TBC1D16: variants seen among roughly 807,000 people sequenced by gnomAD.
TBC1D16 encodes CTD-2529O21.1.
A neutral mutation model predicts 74.7 loss-of-function variants in TBC1D16; 58 were observed. That is an observed-to-expected ratio of 0.78 (90% CI 0.63 to 0.97). The LOEUF (loss-of-function observed/expected upper bound fraction) is 0.97. Among genes scored for constraint, TBC1D16 ranks in the 50% least tolerant of loss-of-function variants. The pLI is 0.00. For missense variants in TBC1D16, 1,014 were observed against 1,079.5 expected, an observed-to-expected ratio of 0.94 and a Z score of 0.85; for synonymous variants, 493 against 474.7, an observed-to-expected ratio of 1.04 and a Z score of -0.50.
chr17:80,025,003 C>T (rs2036502618), intron 1 of TBC1D16, among the ~76,000 whole-genome samples: 1 of 36,376 alleles, frequency 2.7e-5, no homozygotes. Context: ...ACACACACAC[C>T]ATAGACACAC....
intron 10 of TBC1D16, 61 bp from the exon 11 acceptor site, chr17:79,942,267 G>T (rs1379604967): frequency 6.6e-7 from 1 of 1,507,988 alleles, no homozygotes; most frequent in East Asian, 2.5e-5. Context: ...CTGCACTCAG[G>T]GGGAAACTGA....
At chr17:79,969,325 G>A (rs1447092181) in intron 3 of TBC1D16, among the ~76,000 whole-genome samples, 2 of 152,160 alleles carry the variant, frequency 1.3e-5, no homozygotes, top group Non-Finnish European at 2.9e-5. Flanking sequence ...AGTGGAGGTT[G>A]CAGTGAGCCA....
rs2035719638 is a variant in TBC1D16, at chr17:80,007,457, CAG to C, written c.779+2701_779+2702del. On this transcript the variant is annotated intron_variant, in intron 3 of 11. Transcript: ENST00000310924. The surrounding 1 kb of genome is among the most constrained non-coding windows in gnomAD (Gnocchi z 4.5). ...CTCAGGATGATGCCAGGACTGGAAA[CAG>C]ATCTGTCGGACCCCAAAATTTACTC... is the stretch of plus-strand genomic sequence containing the variant. Among the ~76,000 whole-genome samples the C allele has an allele frequency of 6.6e-6, 1 of 152,198 alleles. No homozygotes were observed. The highest frequency in any genetic ancestry group is 2.4e-5 in the African/African-American group (1 of 41,458).
At chr17:80,025,524 G>A (rs1313805970) in intron 1 of TBC1D16, among the ~76,000 whole-genome samples, 2 of 149,472 alleles carry the variant, frequency 1.3e-5, no homozygotes, top group Non-Finnish European at 2.9e-5. Flanking sequence ...GAGAGCCCTG[G>A]AGAGTTTTGC....
Position 79,937,038 on chromosome 17 carries a change from C to T in TBC1D16, c.*3821G>A. On this transcript the variant is annotated 3_prime_UTR_variant, in exon 12 of 12. Coordinates refer to ENST00000310924, the MANE Select transcript of TBC1D16 (RefSeq NM_019020.4). The stretch of plus-strand genomic sequence containing the variant: ...AGGGAGGTGCTTCCTTCCCTCTGCC[C>T]AGCGAGCAAAGGGTGGAGCCTTGGC... 6.6e-6 allele frequency: 1 copy of T among 152,054 alleles called. No individual in the cohort carries two copies. Among genetic ancestry groups the T allele is most frequent in the Non-Finnish European group, 1.5e-5 (1 of 67,972 alleles). The allele number at this position is 152,054 out of a possible 1,614,324, so 9.4% of individuals were successfully genotyped here.
chr17:79,947,811 G>C lies in TBC1D16; in HGVS notation c.1562C>G (p.Ala521Gly). 6.2e-7 allele frequency: 1 copy of C among 1,613,498 alleles called. No individual in the cohort carries two copies. Among genetic ancestry groups the C allele is most frequent in the East Asian group, 2.2e-5 (1 of 44,886 alleles). The change falls in exon 9 of 12, where the codon GCC (alanine) becomes GGC (glycine). Residue 521 changes from alanine to glycine, a missense_variant. Coordinates refer to ENST00000310924, the MANE Select transcript of TBC1D16 (RefSeq NM_019020.4). ...ESMRRILLNY[A>G]VYNPAVGYSQ... ...ATAGCCGACGGCAGGGTTGTACACG[G>C]CGTAGTTCAGCAGGATCCTCCTGGG...
chr17:79,950,896 G>T lies in TBC1D16; in HGVS notation c.1090-318C>A. 1 of 1,457,648 alleles carries T rather than the reference G, an allele frequency of 6.9e-7. No individual in the cohort carries two copies. Among genetic ancestry groups the T allele is most frequent in the Non-Finnish European group, 9.2e-7 (1 of 1,092,850 alleles). 90.3% of individuals were successfully genotyped at this position (1,457,648 alleles called of 1,614,324 possible). ...TAACTTCCCTCTGCCGGGAGGGCCT[G>T]CAATGAATTACATGTGATTGGCCAC... On this transcript the variant is annotated intron_variant, in intron 5 of 11. Transcript: ENST00000310924. This position sits in a 1 kb window ranked among gnomAD's most constrained non-coding sequence, Gnocchi z 4.6.
At chr17:80,024,624 TAAGCACACACACC>T (rs2036473468) in intron 1 of TBC1D16, among the ~76,000 whole-genome samples, 4 of 123,606 alleles carry the variant, frequency 3.2e-5, no homozygotes, top group South Asian at 2.7e-4. Context: ...CCACACACCA[TAAGCACACACACC>T]ACACACACCA....
intron 3 of TBC1D16, among the ~76,000 whole-genome samples, chr17:79,984,383 T>G (rs1301231103): frequency 6.6e-6 from 1 of 151,984 alleles, no homozygotes; most frequent in East Asian, 1.9e-4. Context: ...GTAAAATAAC[T>G]TAGGCATCGG....
chr17:79,960,779 C>CAAAAA lies in TBC1D16; in HGVS notation c.780-7966_780-7962dup, dbSNP rs746450905. Among the ~76,000 whole-genome samples the CAAAAA allele has an allele frequency of 2.2e-3, 75 of 33,944 alleles. 19 individuals are homozygous for CAAAAA. The highest frequency in any genetic ancestry group is 3.2e-3 in the East Asian group (3 of 930). The allele number at this position is 33,944 out of a possible 152,430, so 22.3% of individuals were successfully genotyped here. ...CAAAAAAACCCAAAAAACAAAAACC[C>CAAAAA]AAAAAAAAAAAAAAAAAAAAAAAAA... is the stretch of plus-strand genomic sequence containing the variant. On this transcript the variant is annotated intron_variant, in intron 3 of 11. Transcript: ENST00000310924.
Position 79,983,307 on chromosome 17 carries a change from A to G in TBC1D16, c.779+26853T>C, listed in dbSNP as rs980042750. Among the ~76,000 whole-genome samples the G allele has an allele frequency of 6.6e-6, 1 of 152,222 alleles. No individual in the cohort carries two copies. The highest frequency in any genetic ancestry group is 1.5e-5 in the Non-Finnish European group (1 of 68,028). On this transcript the variant is annotated intron_variant, in intron 3 of 11. Coordinates refer to ENST00000310924, the MANE Select transcript of TBC1D16 (RefSeq NM_019020.4). This position sits in a 1 kb window ranked among gnomAD's most constrained non-coding sequence, Gnocchi z 5.6. ...CAGCTGGCCCCACCCCAGGAAATGC[A>G]GTCGGTGTGTCTTAGGAGGTTGAGT...
intron 1 of TBC1D16, among the ~76,000 whole-genome samples, chr17:80,032,814 G>C (rs751152119): frequency 3.3e-5 from 5 of 152,148 alleles, no homozygotes; most frequent in African/African-American, 4.8e-5. Context: ...CCCGCCCCCG[G>C]TGCTTAATGC....
rs1465749210 is a variant in TBC1D16, at chr17:79,939,420, A to G, written c.*1439T>C. On this transcript the variant is annotated 3_prime_UTR_variant, in exon 12 of 12. Transcript: ENST00000310924. ...TTCCTGCTGAGGAACACTGCTTTGA[A>G]GTGGCATGGCCCAGCAGTGCCCACC... is the stretch of plus-strand genomic sequence containing the variant. 1 of 152,238 alleles carries G rather than the reference A, an allele frequency of 6.6e-6. No individual in the cohort carries two copies. Among genetic ancestry groups the G allele is most frequent in the African/African-American group, 2.4e-5 (1 of 41,456 alleles). 9.4% of individuals were successfully genotyped at this position (152,238 alleles called of 1,614,324 possible).
intron 1 of TBC1D16, among the ~76,000 whole-genome samples, chr17:80,030,839 G>A (rs1389406597): frequency 6.6e-6 from 1 of 152,198 alleles, no homozygotes; most frequent in African/African-American, 2.4e-5. Flanking sequence ...CCATGTCACT[G>A]CCAGACTGCT....
Position 80,010,097 on chromosome 17 carries a change from C to T in TBC1D16, c.779+63G>A. 7.3e-7 allele frequency: 1 copy of T among 1,372,492 alleles called. No individual in the cohort carries two copies. Among genetic ancestry groups the T allele is most frequent in the Non-Finnish European group, 9.9e-7 (1 of 1,005,932 alleles). 85.0% of individuals were successfully genotyped at this position (1,372,492 alleles called of 1,614,324 possible). On this transcript the variant is annotated intron_variant, in intron 3 of 11. Coordinates refer to ENST00000310924, the MANE Select transcript of TBC1D16 (RefSeq NM_019020.4). The surrounding 1 kb of genome is among the most constrained non-coding windows in gnomAD (Gnocchi z 8.8). ...GCATCACAGGTGACGCAGGTGAGTG[C>T]TTCCTGCCCAGGTCAGGCCTTGGGG...
chr17:79,943,815 ACAT>A, intron 10 of TBC1D16: 1 of 1,326,952 alleles, frequency 7.5e-7, no homozygotes, highest in South Asian at 1.6e-5. Flanking sequence ...TTCACGGGTA[ACAT>A]CAGCCTGAAC....
chr17:79,949,919 C>A (rs2143669058), intron 6 of TBC1D16, 54 bp from the exon 7 acceptor site: 1 of 1,577,524 alleles, frequency 6.3e-7, no homozygotes, highest in Admixed American at 1.8e-5. Flanking sequence ...GCTCAAAGAA[C>A]CCCCAAATCC....
At position 79,935,992 on chromosome 17, in the gene TBC1D16, G is replaced by C. The variant is rs2031561905; in HGVS notation, c.*4867C>G. 2 of 152,220 alleles carry C rather than the reference G, an allele frequency of 1.3e-5. No homozygotes were observed. The highest frequency in any genetic ancestry group is 4.8e-5 in the African/African-American group (2 of 41,458). The allele number at this position is 152,220 out of a possible 1,614,324, so 9.4% of individuals were successfully genotyped here. A position where few individuals can be genotyped will look rare whatever the true frequency, so the allele number is the denominator to read the frequency against. On this transcript the variant is annotated 3_prime_UTR_variant, in exon 12 of 12. Coordinates refer to ENST00000310924, the MANE Select transcript of TBC1D16 (RefSeq NM_019020.4). ...ATACTTAAAAGGCCAGATGGCTGCA[G>C]GCTGTTTGCACCCCTGGCTCTGCCC...
rs2035836488 is a variant in TBC1D16 at position 80,010,348 on chromosome 17, C to T, written c.591G>A (p.Glu197=). ...LSTVSPQDVT[E]EGREPRPEAG... ...CCTCGGGCCGCGGCTCCCGCCCCTC[C>T]TCGGTGACATCCTGCGGACTGACCG... Residue 197 remains glutamate, a synonymous_variant, in exon 3 of 12, where the codon GAG becomes GAA. Transcript: ENST00000310924. The surrounding 1 kb of genome is among the most constrained non-coding windows in gnomAD (Gnocchi z 8.8). 1 of 1,611,982 alleles carries T rather than the reference C, an allele frequency of 6.2e-7. No individual in the cohort carries two copies. The highest frequency in any genetic ancestry group is 8.5e-7 in the Non-Finnish European group (1 of 1,179,268).
Sources: gnomAD v4.1 joint callset for allele counts (sites outside exome capture counted in the v4.1 genomes callset) on GRCh38, gnomAD v4.1.1 for gene constraint, Gnocchi (gnomAD v3.1) non-coding constraint, MANE v1.5 for transcripts, NCBI Gene and HGNC (gene_info 2026-07-23, HGNC 2026-07-21) for gene names.